The following RGMB variants were observed in gnomAD, a reference collection of about 807,000 sequenced individuals.
RGMB encodes repulsive guidance molecule BMP co-receptor b.
A neutral mutation model predicts 26.9 loss-of-function variants in RGMB; 16 were observed. The ratio of observed to expected loss-of-function variants is 0.60; its 90% CI spans 0.40 to 0.90. RGMB has a LOEUF of 0.90. Among genes scored for constraint, RGMB ranks in the 40% least tolerant of loss-of-function variants. RGMB has a pLI of 0.00. For missense variants in RGMB, 512 were observed against 573.3 expected, an observed-to-expected ratio of 0.89 and a Z score of 1.09; for synonymous variants, 225 against 229.3, an observed-to-expected ratio of 0.98 and a Z score of 0.17.
intron 1 of RGMB, among the ~76,000 whole-genome samples, chr5:98,776,389 AC>A (rs1246200650): frequency 6.6e-6 from 1 of 152,116 alleles, no homozygotes; most frequent in East Asian, 1.9e-4. Flanking sequence ...TTTTAAGCAA[AC>A]CTCTGCAATT....
At position 98,791,095 on chromosome 5, in the gene RGMB, A is replaced by G. The variant is rs55899721; in HGVS notation, c.646-1990A>G. Among the ~76,000 whole-genome samples the G allele has an allele frequency of 7.0e-3, 1,066 of 152,258 alleles. 7 individuals carry two copies. Among genetic ancestry groups the G allele is most frequent in the South Asian group, 0.025 (123 of 4,826 alleles). On this transcript the variant is annotated intron_variant, in intron 2 of 2. Coordinates refer to ENST00000513185, the MANE Select transcript of RGMB (RefSeq NM_001366508.1). ...ACCCCCATTCACTCTGAAAGGTCCT[A>G]TGGTTGGATGCACAACAAATTTCCT...
chr5:98,785,698 C>G (rs1447049241), intron 2 of RGMB, among the ~76,000 whole-genome samples: 1 of 152,172 alleles, frequency 6.6e-6, no homozygotes, highest in Non-Finnish European at 1.5e-5. Context: ...AATTCATTTT[C>G]CAGAGCCTCA....
intron 1 of RGMB, among the ~76,000 whole-genome samples, chr5:98,775,266 A>G (rs1161048170): frequency 4.6e-5 from 7 of 152,168 alleles, no homozygotes. Flanking sequence ...AGGTCTTTTA[A>G]GTAATGGGGG....
upstream of RGMB, chr5:98,772,685 C>T (rs1746205610): frequency 6.6e-6 from 1 of 152,186 alleles, no homozygotes; most frequent in Non-Finnish European, 1.5e-5. Flanking sequence ...TTGGCAGCCT[C>T]TTTCTTTGTA....
upstream of RGMB, chr5:98,770,623 G>C (rs1232709852): frequency 1.4e-6 from 2 of 1,379,804 alleles, no homozygotes; most frequent in Non-Finnish European, 1.9e-6. Flanking sequence ...AAGTTCAGGG[G>C]CCCCCTGATC....
chr5:98,793,454 C>G lies in RGMB; in HGVS notation c.1015C>G (p.Arg339Gly). The change falls in exon 3 of 3, where the codon CGC (arginine) becomes GGC (glycine). Residue 339 changes from arginine to glycine, a missense_variant. Physicochemically the swap from Arg to Gly is moderately radical, Grantham distance 125. Transcript: ENST00000513185. ...VSAILGHSLP[R>G]TSLVQAWPGY... The stretch of plus-strand genomic sequence containing the variant: ...TGCCATCCTGGGACACAGCCTGCCT[C>G]GCACCTCCTTGGTGCAGGCCTGGCC... The G allele has an allele frequency of 6.2e-7, 1 of 1,612,528 alleles. No individual in the cohort carries two copies. The highest frequency in any genetic ancestry group is 8.5e-7 in the Non-Finnish European group (1 of 1,179,344).
Position 98,774,702 on chromosome 5 carries a change from A to G in RGMB, c.136+496A>G, listed in dbSNP as rs908176163. Among the ~76,000 whole-genome samples, 4 of 152,184 alleles carry G rather than the reference A, an allele frequency of 2.6e-5. No homozygotes were observed. In the South Asian group the frequency reaches 8.3e-4, roughly 31 times the overall value. On this transcript the variant is annotated intron_variant, in intron 1 of 2. Transcript: ENST00000513185. ...GGAAAGATTTTTACCAGATTTTGCA[A>G]ACCTGGGAGTTAATCTCGAAGTAAC...
At chr5:98,776,439 C>G (rs953684180) in intron 1 of RGMB, among the ~76,000 whole-genome samples, 1 of 152,158 alleles carries the variant, frequency 6.6e-6, no homozygotes, top group Non-Finnish European at 1.5e-5. Context: ...CTTGCTTACT[C>G]ATACACTTCA....
chr5:98,793,009 A>G (rs1056503988), intron 2 of RGMB, 76 bp from the exon 3 acceptor site: 3 of 1,183,674 alleles, frequency 2.5e-6, no homozygotes. Flanking sequence ...AATGGCGGGG[A>G]GCTCTTGCTA....
rs543462755 is a variant in RGMB at position 98,795,008 on chromosome 5, G to A, written c.*1255G>A. ...TGCTTCCCAGGTGGTCTGAAGTCAG[G>A]TACTCTCTCTCTCAACACCTGTAGT... On this transcript the variant is annotated 3_prime_UTR_variant, in exon 3 of 3. Transcript: ENST00000513185. 6.6e-6 allele frequency: 1 copy of A among 152,298 alleles called. No individual in the cohort carries two copies. Among genetic ancestry groups the A allele is most frequent in the African/African-American group, 2.4e-5 (1 of 41,548 alleles). 9.4% of individuals were successfully genotyped at this position (152,298 alleles called of 1,614,324 possible). A position where few individuals can be genotyped will look rare whatever the true frequency, so the allele number is the denominator to read the frequency against.
Position 98,774,361 on chromosome 5 carries a change from C to T in RGMB, c.136+155C>T, listed in dbSNP as rs925924342. On this transcript the variant is annotated intron_variant, in intron 1 of 2. Transcript: ENST00000513185. ...CCTGACACGCACCTCTGTCGGGCTC[C>T]GGGCCACAGTAACGCAGCCACCCAC... 4.6e-5 allele frequency among the ~76,000 whole-genome samples: 7 copies of T among 152,272 alleles called. No homozygotes were observed. In the East Asian group the frequency reaches 1.4e-3, roughly 29 times the overall value.
At chr5:98,776,950 G>T (rs945603025) in intron 1 of RGMB, among the ~76,000 whole-genome samples, 7 of 152,178 alleles carry the variant, frequency 4.6e-5, no homozygotes, top group Admixed American at 4.6e-4. Context: ...GCCGGGTGTG[G>T]TGGCGCGTGC....
chr5:98,784,368 G>T (rs1746705458), intron 2 of RGMB, among the ~76,000 whole-genome samples: 1 of 152,206 alleles, frequency 6.6e-6, no homozygotes, highest in Admixed American at 6.5e-5. Flanking sequence ...TCCGCTGGTT[G>T]AAGATACTAG....
chr5:98,776,402 C>G (rs1746402541), intron 1 of RGMB, among the ~76,000 whole-genome samples: 1 of 152,058 alleles, frequency 6.6e-6, no homozygotes, highest in Non-Finnish European at 1.5e-5. Flanking sequence ...TCTGCAATTC[C>G]TGAATAGAGA....
chr5:98,773,566 G>T, upstream of RGMB: 1 of 201,382 alleles, frequency 5.0e-6, no homozygotes, highest in Non-Finnish European at 9.9e-6. Context: ...GGAAGGGAGG[G>T]ACACGGCGGG....
rs1746520820 is a variant in RGMB, at chr5:98,779,559, GTCTTA to G, written c.137-16_137-12del. On this transcript the variant is annotated splice_polypyrimidine_tract_variant and intron_variant, in intron 1 of 2. Coordinates refer to ENST00000513185, the MANE Select transcript of RGMB (RefSeq NM_001366508.1). ...GTTATGAAGAGTTTACAAATGTTTG[GTCTTA>G]TCTTCTTTCCCATAGGTGACTGCCA... 1 of 1,504,014 alleles carries G rather than the reference GTCTTA, an allele frequency of 6.6e-7. No individual in the cohort carries two copies. The highest frequency in any genetic ancestry group is 8.9e-7 in the Non-Finnish European group (1 of 1,126,596). The allele number at this position is 1,504,014 out of a possible 1,614,324, so 93.2% of individuals were successfully genotyped here.
chr5:98,783,563 CT>C (rs1200155807), intron 2 of RGMB, among the ~76,000 whole-genome samples: 3 of 152,204 alleles, frequency 2.0e-5, no homozygotes, highest in Non-Finnish European at 2.9e-5. Flanking sequence ...TGCTTGACTT[CT>C]TCCATGTTAT....
At chr5:98,787,475 A>T (rs1279715644) in intron 2 of RGMB, among the ~76,000 whole-genome samples, 2 of 152,230 alleles carry the variant, frequency 1.3e-5, no homozygotes, top group African/African-American at 4.8e-5. Flanking sequence ...AGTTACTGCC[A>T]CCAGCCCTGG....
At chr5:98,792,574 C>T (rs1746963182) in intron 2 of RGMB, among the ~76,000 whole-genome samples, 1 of 138,764 alleles carries the variant, frequency 7.2e-6, no homozygotes, top group Non-Finnish European at 1.5e-5. Context: ...CCGACCTCCA[C>T]CATCCCCCCC....
Sources: gnomAD v4.1 joint callset for allele counts (sites outside exome capture counted in the v4.1 genomes callset) on GRCh38, gnomAD v4.1.1 for gene constraint, MANE v1.5 for transcripts, NCBI Gene and HGNC (gene_info 2026-07-23, HGNC 2026-07-21) for gene names.